ADAMTSL3: variants seen among roughly 807,000 people sequenced by gnomAD.
ADAMTSL3 encodes ADAMTS like 3.
Under a neutral mutation model 201.7 loss-of-function variants are expected in ADAMTSL3, and 128 were observed. The ratio of observed to expected loss-of-function variants is 0.63; its 90% CI spans 0.55 to 0.73. The LOEUF (loss-of-function observed/expected upper bound fraction) is 0.73, where lower values mean the gene tolerates loss of function less well. Among genes scored for constraint, ADAMTSL3 ranks in the 30% least tolerant of loss-of-function variants. The pLI is 0.00. For synonymous variants in ADAMTSL3, 738 were observed against 748.4 expected, an observed-to-expected ratio of 0.99 and a Z score of 0.23; for missense variants, 1,990 against 2,119.6, an observed-to-expected ratio of 0.94 and a Z score of 1.20.
chr15:83,684,214 A>C (rs2061509922), intron 2 of ADAMTSL3, among the ~76,000 whole-genome samples: 1 of 152,234 alleles, frequency 6.6e-6, no homozygotes, highest in Non-Finnish European at 1.5e-5. Flanking sequence ...TAAATAATAC[A>C]GACACACACA....
intron 18 of ADAMTSL3, 53 bp from the exon 19 acceptor site, chr15:83,942,850 C>T: frequency 6.2e-7 from 1 of 1,606,008 alleles, no homozygotes; most frequent in Non-Finnish European, 8.5e-7. Flanking sequence ...CCCTGCACTG[C>T]ACTAACATAG....
intron 2 of ADAMTSL3, among the ~76,000 whole-genome samples, chr15:83,681,341 G>A (rs1221007696): frequency 1.3e-5 from 2 of 152,154 alleles, no homozygotes; most frequent in Admixed American, 1.3e-4. Context: ...GAGGTGACAC[G>A]TCATTTATAT....
intron 7 of ADAMTSL3, among the ~76,000 whole-genome samples, chr15:83,845,345 TC>T (rs2064475251): frequency 6.6e-6 from 1 of 152,208 alleles, no homozygotes; most frequent in Non-Finnish European, 1.5e-5. Flanking sequence ...ACTGAACACA[TC>T]CTAGGAGCTC....
intron 4 of ADAMTSL3, 21 bp from the exon 5 acceptor site, chr15:83,804,629 C>A: frequency 5.5e-6 from 6 of 1,093,178 alleles, no homozygotes; most frequent in Non-Finnish European, 7.4e-6. Flanking sequence ...TTTCTTCTTT[C>A]TTCTTTCTTT....
rs772553619 is a variant in ADAMTSL3, at chr15:83,982,667, G to A, written c.3039G>A (p.Arg1013=). ...IARPALREPM[R]EYPGMDHSEA... ...GCCCAGCCCTCAGGGAGCCTATGAG[G>A]GAATATCCTGGGATGGACCACAGCG... The change falls in exon 21 of 30, where the codon AGG becomes AGA. Residue 1013 remains arginine, a synonymous_variant. Transcript: ENST00000286744. The A allele has an allele frequency of 7.4e-6, 12 of 1,614,108 alleles. No individual in the cohort carries two copies. Among genetic ancestry groups the A allele is most frequent in the Non-Finnish European group, 8.5e-6 (10 of 1,180,026 alleles).
chr15:84,008,340 C>T (rs2067934124), intron 23 of ADAMTSL3, among the ~76,000 whole-genome samples: 1 of 152,176 alleles, frequency 6.6e-6, no homozygotes, highest in South Asian at 2.1e-4. Flanking sequence ...GGTGATCTGC[C>T]CACCTCGGCC....
At chr15:83,995,935 G>A (rs991536561) in intron 23 of ADAMTSL3, among the ~76,000 whole-genome samples, 2 of 152,140 alleles carry the variant, frequency 1.3e-5, no homozygotes, top group African/African-American at 4.8e-5. Flanking sequence ...AAATGGAACA[G>A]AATGCGGAGC....
intron 17 of ADAMTSL3, among the ~76,000 whole-genome samples, chr15:83,931,773 A>G (rs2142008076): frequency 6.6e-6 from 1 of 152,356 alleles, no homozygotes; most frequent in African/African-American, 2.4e-5. Flanking sequence ...ATGGAGCTGC[A>G]CTTGTGGTTA....
intron 4 of ADAMTSL3, among the ~76,000 whole-genome samples, chr15:83,792,995 T>C (rs1164105870): frequency 6.6e-6 from 1 of 152,180 alleles, no homozygotes; most frequent in Non-Finnish European, 1.5e-5. Flanking sequence ...TATAATACTA[T>C]TCAGCCATGA....
intron 16 of ADAMTSL3, among the ~76,000 whole-genome samples, chr15:83,916,004 T>C (rs1401938651): frequency 6.6e-6 from 1 of 152,236 alleles, no homozygotes; most frequent in Non-Finnish European, 1.5e-5. Context: ...CTTGGTTATA[T>C]ACCTTGGAGT....
At chr15:83,772,150 G>A (rs2062994492) in intron 3 of ADAMTSL3, among the ~76,000 whole-genome samples, 1 of 151,994 alleles carries the variant, frequency 6.6e-6, no homozygotes. Context: ...CACCACGCCC[G>A]GCCTCCTTTG....
rs61752778 is a variant in ADAMTSL3 at position 83,943,053 on chromosome 15, C to T, written c.2461C>T (p.Pro821Ser). The T allele has an allele frequency of 0.018, 29,832 of 1,613,520 alleles. 393 individuals are homozygous for T. The highest frequency in any genetic ancestry group is 0.021 in the South Asian group (1,878 of 90,966). The change falls in exon 19 of 30, where the codon CCA becomes TCA. Residue 821 changes from proline (P) to serine (S), a missense_variant. Coordinates refer to ENST00000286744, the MANE Select transcript of ADAMTSL3 (RefSeq NM_207517.3). ...HKSCARTDCPPHLAVGDWSKC... is the reference protein window; with the variant it reads ...HKSCARTDCPSHLAVGDWSKC... ...GTCCTGTGCCAGGACAGACTGTCCTCCACATTTAGCTGTGGGAGACTGGTC... is the reference window on the plus strand; with the variant it reads ...GTCCTGTGCCAGGACAGACTGTCCTTCACATTTAGCTGTGGGAGACTGGTC...
chr15:83,689,764 A>G (rs1209159082), intron 2 of ADAMTSL3, among the ~76,000 whole-genome samples: 1 of 152,196 alleles, frequency 6.6e-6, no homozygotes, highest in African/African-American at 2.4e-5. Flanking sequence ...CAAGAGCATA[A>G]TAAACTCATA....
At chr15:83,943,154 A>G (rs2066595773) in intron 19 of ADAMTSL3, 72 bp downstream of exon 19, 10 of 1,492,158 alleles carry the variant, frequency 6.7e-6, no homozygotes, top group Middle Eastern at 1.8e-4. Flanking sequence ...AAATATTTCC[A>G]CAAGATCAGG....
In ADAMTSL3 at chr15:83,762,552, C is replaced by G. The variant is rs141225462; in HGVS notation, c.190-10971C>G. Among the ~76,000 whole-genome samples, 7 of 152,208 alleles carry G rather than the reference C, an allele frequency of 4.6e-5. No homozygotes were observed. In the East Asian group the frequency reaches 1.4e-3, roughly 29 times the overall value. On this transcript the variant is annotated intron_variant, in intron 3 of 29. Transcript: ENST00000286744. ...AGATGGTGCCTTGTTGCCATGTCCTCTAGAGGGCACGAACGCTATGTCCTC... is the reference window on the plus strand; with the variant it reads ...AGATGGTGCCTTGTTGCCATGTCCTGTAGAGGGCACGAACGCTATGTCCTC...
chr15:83,679,073 T>TTG, intron 2 of ADAMTSL3, among the ~76,000 whole-genome samples: 1 of 151,754 alleles, frequency 6.6e-6, no homozygotes, highest in Non-Finnish European at 1.5e-5. Flanking sequence ...TTGATTTTTG[T>TTG]TGAAGTATAC....
chr15:83,806,058 T>C (rs1215986520), intron 5 of ADAMTSL3, among the ~76,000 whole-genome samples: 2 of 152,222 alleles, frequency 1.3e-5, no homozygotes, highest in East Asian at 1.9e-4. Context: ...CAGGCTGTTA[T>C]GGCACAGTGC....
Position 83,899,640 on chromosome 15 carries a change from T to C in ADAMTSL3, c.1616-7T>C, listed in dbSNP as rs201179467. 3 of 1,609,410 alleles carry C rather than the reference T, an allele frequency of 1.9e-6. No homozygotes were observed. Among genetic ancestry groups the C allele is most frequent in the Non-Finnish European group, 2.5e-6 (3 of 1,177,204 alleles). ...TAGGCTCATTGTTTATGTTCTCTTT[T>C]TCTTAGAAAAAAGTCCAGTGGAAGC... On this transcript the variant is annotated splice_polypyrimidine_tract_variant and splice_region_variant and intron_variant, in intron 14 of 29. Transcript: ENST00000286744.
chr15:83,895,154 G>T (rs2065586819), intron 13 of ADAMTSL3, among the ~76,000 whole-genome samples: 1 of 152,192 alleles, frequency 6.6e-6, no homozygotes, highest in South Asian at 2.1e-4. Context: ...TGAGTTACGT[G>T]CCAGAATTCA....
Sources: allele counts gnomAD v4.1 joint callset (sites outside exome capture counted in the v4.1 genomes callset), GRCh38; gene constraint gnomAD v4.1.1; transcripts MANE v1.5; gene names NCBI Gene and HGNC (gene_info 2026-07-23, HGNC 2026-07-21).